Variants in HVCN1 observed in about 807,000 individuals in gnomAD.
The protein encoded by HVCN1 is hydrogen voltage gated channel 1.
HVCN1 carries 14 observed loss-of-function variants against 29.2 expected under a neutral mutation model. The ratio of observed to expected loss-of-function variants is 0.48; its 90% confidence interval spans 0.32 to 0.75. The LOEUF is 0.75. HVCN1 is among the 30% of genes least tolerant of loss of function. The pLI, the probability that HVCN1 is intolerant of heterozygous loss-of-function variation, is 0.04. For missense variants in HVCN1, 263 were observed against 341.8 expected (o/e 0.77, Z 1.82); for synonymous variants, 131 against 133.2 (o/e 0.98, Z 0.11).
In HVCN1 at chr12:110,655,267, G is replaced by T. The variant is rs1413207885; in HGVS notation, c.378C>A (p.Ile126=). The T allele has an allele frequency of 5.0e-6, 8 of 1,613,744 alleles. No homozygotes were observed. Among genetic ancestry groups the T allele is most frequent in the Non-Finnish European group, 5.9e-6 (7 of 1,179,860 alleles). The part of the protein sequence containing the change: ...VLAELILDLK[I]IQPDKNNYAA... ...CATAGTTATTCTTGTCGGGCTGGATGATCTTCAGGTCCAGGATGAGCTCAG... is the reference window on the plus strand; with the variant it reads ...CATAGTTATTCTTGTCGGGCTGGATTATCTTCAGGTCCAGGATGAGCTCAG... Residue 126 remains isoleucine, a synonymous_variant, in exon 5 of 8, where the codon ATC becomes ATA. Transcript: ENST00000242607.
At chr12:110,680,921 C>A (rs1283614609) in intron 3 of HVCN1, among the ~76,000 whole-genome samples, 3 of 152,130 alleles carry the variant, frequency 2.0e-5, no homozygotes, top group Non-Finnish European at 4.4e-5. Context: ...CAGAACCAGG[C>A]CCTGTCTCAA....
chr12:110,697,801 A>G (rs1389309914), intron 2 of HVCN1, among the ~76,000 whole-genome samples: 1 of 151,904 alleles, frequency 6.6e-6, no homozygotes, highest in Non-Finnish European at 1.5e-5. Context: ...ACAGGTGCAC[A>G]CCACCACGCC....
At chr12:110,686,878 C>T (rs2069203435) in intron 2 of HVCN1, among the ~76,000 whole-genome samples, 1 of 152,188 alleles carries the variant, frequency 6.6e-6, no homozygotes, top group Non-Finnish European at 1.5e-5. Flanking sequence ...TAGCCAAAAA[C>T]ATGCACAATA....
intron 3 of HVCN1, 63 bp downstream of exon 3, chr12:110,683,162 A>C: frequency 6.2e-7 from 1 of 1,611,916 alleles, no homozygotes; most frequent in East Asian, 2.2e-5. Flanking sequence ...TGAAACACCA[A>C]ACAGAATTAT....
At chr12:110,678,275 T>C (rs2068814513) in intron 3 of HVCN1, among the ~76,000 whole-genome samples, 1 of 152,126 alleles carries the variant, frequency 6.6e-6, no homozygotes, top group African/African-American at 2.4e-5. Context: ...TCCTCACAGC[T>C]GGGGAAGCCC....
chr12:110,662,791 C>T (rs2068221370), intron 3 of HVCN1, among the ~76,000 whole-genome samples: 1 of 152,068 alleles, frequency 6.6e-6, no homozygotes, highest in African/African-American at 2.4e-5. Flanking sequence ...GACACACTGC[C>T]CCCCCACACA....
chr12:110,661,332 C>T lies in HVCN1; in HGVS notation c.138G>A (p.Glu46=), dbSNP rs2068162811. ...CCTCCTCCTCCTCCTCCTCTTCATT[C>T]TCCCATTTCTTGTAGTTGATGTTCC... The part of the protein sequence containing the change: ...HAWNINYKKW[E]NEEEEEEEEQ... Residue 46 remains glutamate (E), a synonymous_variant, in exon 4 of 8, where the codon GAG becomes GAA. Transcript: ENST00000242607. This position sits in a 1 kb window ranked among gnomAD's most constrained non-coding sequence, Gnocchi z 6.2. The T allele has an allele frequency of 1.9e-6, 3 of 1,614,238 alleles. No individual in the cohort carries two copies. The highest frequency in any genetic ancestry group is 2.5e-6 in the Non-Finnish European group (3 of 1,180,042).
rs940919155 is a variant in HVCN1, at chr12:110,676,604, T to A, written c.21+6621A>T. ...CTGTGCCCAGCTCCAATGAAAACTC[T>A]GGGCATTGGGTCTCTAAGGAACTGC... is the stretch of plus-strand genomic sequence containing the variant. On this transcript the variant is annotated intron_variant, in intron 3 of 7. Transcript: ENST00000242607. The surrounding 1 kb of genome is among the most constrained non-coding windows in gnomAD (Gnocchi z 4.1). Among the ~76,000 whole-genome samples, 1 of 152,172 alleles carries A rather than the reference T, an allele frequency of 6.6e-6. No individual in the cohort carries two copies. The highest frequency in any genetic ancestry group is 1.5e-5 in the Non-Finnish European group (1 of 68,030).
chr12:110,655,987 A>G (rs1032687677), intron 4 of HVCN1, among the ~76,000 whole-genome samples: 10 of 152,092 alleles, frequency 6.6e-5, no homozygotes, highest in Non-Finnish European at 1.3e-4. Flanking sequence ...TTACAGGCAT[A>G]AGCCACCGTG....
At chr12:110,655,447 G>T (rs2067957609) in intron 4 of HVCN1, 109 bp from the exon 5 acceptor site, 1 of 784,522 alleles carries the variant, frequency 1.3e-6, no homozygotes, top group Non-Finnish European at 2.2e-6. Flanking sequence ...ACTGGGCAAA[G>T]CCATTAAGGA....
chr12:110,650,104 C>G, intron 7 of HVCN1, 64 bp downstream of exon 7: 1 of 1,151,632 alleles, frequency 8.7e-7, no homozygotes, highest in Non-Finnish European at 1.3e-6. Context: ...CTTGGCCTCC[C>G]AAAGTGCTAG....
rs747513404 is a variant in HVCN1 at position 110,649,449 on chromosome 12, TTTG to T, written c.780_782del (p.Asn260del). The T allele has an allele frequency of 3.1e-5, 50 of 1,607,816 alleles. No homozygotes were observed. Among genetic ancestry groups the T allele is most frequent in the Non-Finnish European group, 3.6e-5 (42 of 1,176,078 alleles). On this transcript the variant is annotated inframe_deletion, in exon 8 of 8. Transcript: ENST00000242607. ...CAAGAAGTCCATGCTGTCGCAATAGTTTGTTAAGTCTTTCAATTTCTTGTTCCT... is the reference window on the plus strand; with the variant it reads ...CAAGAAGTCCATGCTGTCGCAATAGTTTAAGTCTTTCAATTTCTTGTTCCT...
chr12:110,678,345 G>A (rs2068816803), intron 3 of HVCN1, among the ~76,000 whole-genome samples: 1 of 151,062 alleles, frequency 6.6e-6, no homozygotes, highest in Non-Finnish European at 1.5e-5. Flanking sequence ...TTCATACCCT[G>A]CATCTCAGTA....
At chr12:110,673,682 C>T (rs2068655608) in intron 3 of HVCN1, among the ~76,000 whole-genome samples, 2 of 152,206 alleles carry the variant, frequency 1.3e-5, no homozygotes. Flanking sequence ...GGCCAACATA[C>T]AGCTCAGGCT....
chr12:110,677,667 G>A (rs1026895259), intron 3 of HVCN1, among the ~76,000 whole-genome samples: 3 of 152,190 alleles, frequency 2.0e-5, no homozygotes, highest in Non-Finnish European at 2.9e-5. Flanking sequence ...CTGCCCCAGG[G>A]GATCCGTGTT....
At position 110,682,855 on chromosome 12, in the gene HVCN1, T is replaced by TGGGAGG. The variant is rs1317340088; in HGVS notation, c.21+364_21+369dup. 7 of 285,960 alleles carry TGGGAGG rather than the reference T, an allele frequency of 2.4e-5. No homozygotes were observed. In the East Asian group the frequency reaches 5.9e-4, roughly 24 times the overall value. The allele number at this position is 285,960 out of a possible 1,614,324, so 17.7% of individuals were successfully genotyped here. ...GTGCATGCCTGTAATCCCAGCTACT[T>TGGGAGG]GGGAGGCTGAGGCAGGAAAATCGCT... On this transcript the variant is annotated intron_variant, in intron 3 of 7. Transcript: ENST00000242607.
At chr12:110,683,913 AAAAAAAAAAAAAGG>A (rs558185450) in intron 2 of HVCN1, among the ~76,000 whole-genome samples, 11,540 of 146,770 alleles carry the variant, frequency 0.079, 507 homozygotes, top group Middle Eastern at 0.1. Flanking sequence ...TCTATCTAAA[AAAAAAAAAAAAAGG>A]AAAAAAAAAA....
chr12:110,662,425 C>G, intron 3 of HVCN1, among the ~76,000 whole-genome samples: 1 of 152,140 alleles, frequency 6.6e-6, no homozygotes, highest in Non-Finnish European at 1.5e-5. Context: ...AAATAGGGTG[C>G]GCATGGTGGC....
At chr12:110,698,979 T>C (rs2069533446) in intron 2 of HVCN1, among the ~76,000 whole-genome samples, 1 of 152,028 alleles carries the variant, frequency 6.6e-6, no homozygotes, top group Admixed American at 6.6e-5. Flanking sequence ...AATACAAAAA[T>C]TAGCCGGGCA....
Sources: allele counts gnomAD v4.1 joint callset (sites outside exome capture counted in the v4.1 genomes callset), GRCh38; gene constraint gnomAD v4.1.1; non-coding constraint Gnocchi (gnomAD v3.1); transcripts MANE v1.5; gene names NCBI Gene and HGNC (gene_info 2026-07-23, HGNC 2026-07-21).